The following FOXN3 variants were observed in gnomAD, a reference collection of about 807,000 sequenced individuals.
FOXN3 encodes the protein forkhead box protein N3.
Under a neutral mutation model 38.4 loss-of-function variants are expected in FOXN3, and 7 were observed. That is an observed-to-expected ratio of 0.18 (90% CI 0.10 to 0.34). The LOEUF (loss-of-function observed/expected upper bound fraction) is 0.34. FOXN3 is among the 10% of genes least tolerant of loss of function. FOXN3 has a pLI of 1.00. For synonymous variants in FOXN3, 230 were observed against 242.2 expected (o/e 0.95, Z 0.47); for missense variants, 456 against 613.4 (o/e 0.74, Z 2.71).
At chr14:89,467,815 T>TTG (rs1309330669) in intron 1 of FOXN3, among the ~76,000 whole-genome samples, 5 of 129,168 alleles carry the variant, frequency 3.9e-5, no homozygotes, top group Middle Eastern at 3.8e-3. Flanking sequence ...TTTTTTTTTT[T>TTG]TTTTTTTTTT....
At position 89,162,303 on chromosome 14, in the gene FOXN3, A is replaced by G. The variant is rs1142538; in HGVS notation, c.*111T>C. 1 of 927,190 alleles carries G rather than the reference A, an allele frequency of 1.1e-6. No individual in the cohort carries two copies. The highest frequency in any genetic ancestry group is 2.7e-5 in the East Asian group (1 of 36,368). The allele number at this position is 927,190 out of a possible 1,614,324, so 57.4% of individuals were successfully genotyped here. On this transcript the variant is annotated 3_prime_UTR_variant, in exon 6 of 6. Coordinates refer to ENST00000557258, the MANE Select transcript of FOXN3 (RefSeq NM_005197.4). This position sits in a 1 kb window ranked among gnomAD's most constrained non-coding sequence, Gnocchi z 7.2. ...AAAAGAAAAGAAAGAAAACCAAACCAAAAACAAGAAAAAAGAAAAAAAATT... is the reference window on the plus strand; with the variant it reads ...AAAAGAAAAGAAAGAAAACCAAACCGAAAACAAGAAAAAAGAAAAAAAATT...
chr14:89,609,926 C>G (rs1485395188), intron 1 of FOXN3, among the ~76,000 whole-genome samples: 2 of 151,952 alleles, frequency 1.3e-5, no homozygotes, highest in Non-Finnish European at 2.9e-5. Flanking sequence ...TCCAAGTTTT[C>G]TAGCCTGGGA....
At chr14:89,204,574 A>C (rs1470193491) in intron 4 of FOXN3, among the ~76,000 whole-genome samples, 1 of 152,308 alleles carries the variant, frequency 6.6e-6, no homozygotes, top group South Asian at 2.1e-4. Flanking sequence ...ACCCTCACAT[A>C]TTATCAGTTG....
At chr14:89,596,382 C>T (rs2139933373) in intron 1 of FOXN3, among the ~76,000 whole-genome samples, 1 of 152,292 alleles carries the variant, frequency 6.6e-6, no homozygotes, top group South Asian at 2.1e-4. Flanking sequence ...AGTGATCCTC[C>T]CACCTCAGCC....
intron 4 of FOXN3, among the ~76,000 whole-genome samples, chr14:89,204,965 T>C (rs1888341549): frequency 6.6e-6 from 1 of 152,160 alleles, no homozygotes; most frequent in African/African-American, 2.4e-5. Context: ...CATAAAGGTA[T>C]CATGGAAATA....
chr14:89,528,870 A>G (rs1284383835), intron 1 of FOXN3, among the ~76,000 whole-genome samples: 4 of 152,114 alleles, frequency 2.6e-5, no homozygotes, highest in African/African-American at 9.7e-5. Flanking sequence ...GGTGGGGAGG[A>G]ATGAAAGGAG....
At chr14:89,463,152 G>A (rs1892889141) in intron 1 of FOXN3, among the ~76,000 whole-genome samples, 1 of 151,644 alleles carries the variant, frequency 6.6e-6, no homozygotes, top group Non-Finnish European at 1.5e-5. Context: ...AGCCGGGCGT[G>A]GTGGCAGGCG....
chr14:89,501,346 C>CAGAA (rs1893795705), intron 1 of FOXN3, among the ~76,000 whole-genome samples: 2 of 152,156 alleles, frequency 1.3e-5, no homozygotes, highest in Admixed American at 1.3e-4. Flanking sequence ...GTTTACTTCT[C>CAGAA]ACACAGCAGC....
chr14:89,353,083 G>A (rs1889045060), intron 2 of FOXN3, among the ~76,000 whole-genome samples: 1 of 152,188 alleles, frequency 6.6e-6, no homozygotes, highest in Non-Finnish European at 1.5e-5. Context: ...TGATCCAGAT[G>A]CAGAGAGGCA....
chr14:89,291,078 T>C, intron 3 of FOXN3: 1 of 503,452 alleles, frequency 2.0e-6, no homozygotes, highest in Non-Finnish European at 4.0e-6. Flanking sequence ...ATCCACACGG[T>C]GTAAATCATG....
At chr14:89,489,846 TTACACACACGCGCGCGCA>T (rs1893535120) in intron 1 of FOXN3, among the ~76,000 whole-genome samples, 1 of 152,164 alleles carries the variant, frequency 6.6e-6, no homozygotes. Context: ...GATGCAAGCC[TTACACACACGCGCGCGCA>T]TGCACACACA....
intron 2 of FOXN3, among the ~76,000 whole-genome samples, chr14:89,387,398 T>C (rs1280501542): frequency 6.6e-6 from 1 of 152,208 alleles, no homozygotes; most frequent in Non-Finnish European, 1.5e-5. Flanking sequence ...GTATTATCAT[T>C]ATTTAATCTT....
intron 3 of FOXN3, among the ~76,000 whole-genome samples, chr14:89,313,298 GCTCACACCTGTAAT>G (rs1399838625): frequency 1.3e-5 from 2 of 152,222 alleles, no homozygotes; most frequent in African/African-American, 4.8e-5. Flanking sequence ...GGGCGCAGCG[GCTCACACCTGTAAT>G]CCCAGCACTT....
At chr14:89,284,985 A>G (rs952428305) in intron 3 of FOXN3, among the ~76,000 whole-genome samples, 2 of 152,182 alleles carry the variant, frequency 1.3e-5, no homozygotes, top group African/African-American at 4.8e-5. Flanking sequence ...CTGAGTCAAC[A>G]GGTCGGACAG....
chr14:89,593,907 G>A (rs146017597), intron 1 of FOXN3, among the ~76,000 whole-genome samples: 93 of 152,314 alleles, frequency 6.1e-4, no homozygotes, highest in African/African-American at 1.9e-3. Flanking sequence ...GCACTGGGCA[G>A]CTATAGTTTC....
chr14:89,293,729 T>A (rs529830967), intron 3 of FOXN3, among the ~76,000 whole-genome samples: 1 of 152,058 alleles, frequency 6.6e-6, no homozygotes, highest in Non-Finnish European at 1.5e-5. Flanking sequence ...AGTTAGGACA[T>A]CAACATATGA....
At chr14:89,224,691 G>A (rs560249003) in intron 4 of FOXN3, among the ~76,000 whole-genome samples, 1 of 152,144 alleles carries the variant, frequency 6.6e-6, no homozygotes, top group African/African-American at 2.4e-5. Flanking sequence ...ATCAACTAAG[G>A]AAGACAAAAT....
intron 1 of FOXN3, among the ~76,000 whole-genome samples, chr14:89,518,181 CT>C (rs1434222691): frequency 2.6e-5 from 4 of 152,362 alleles, no homozygotes; most frequent in East Asian, 3.9e-4. Context: ...GTAGGCCCCT[CT>C]CCCCCTGAAG....
intron 4 of FOXN3, among the ~76,000 whole-genome samples, chr14:89,249,886 T>G (rs1209422838): frequency 6.6e-6 from 1 of 151,924 alleles, no homozygotes; most frequent in Non-Finnish European, 1.5e-5. Flanking sequence ...GAAAAAAAAG[T>G]CATCAATATT....
Sources: gnomAD v4.1 joint callset for allele counts (sites outside exome capture counted in the v4.1 genomes callset) on GRCh38, gnomAD v4.1.1 for gene constraint, Gnocchi (gnomAD v3.1) non-coding constraint, MANE v1.5 for transcripts, NCBI Gene and HGNC (gene_info 2026-07-23, HGNC 2026-07-21) for gene names.